The following CAMSAP1 variants were observed in gnomAD, a reference collection of about 807,000 sequenced individuals.
The protein encoded by CAMSAP1 is calmodulin-regulated spectrin-associated protein 1.
In CAMSAP1, 58 loss-of-function variants were observed where a neutral mutation model predicts 143.5. That is an observed-to-expected ratio of 0.40 (90% CI 0.33 to 0.50). The LOEUF (loss-of-function observed/expected upper bound fraction) is 0.50. Ranked by LOEUF, CAMSAP1 falls within the 20% of genes least tolerant of loss-of-function variation. The pLI is 0.45. For synonymous variants in CAMSAP1, 945 were observed against 859.3 expected, an observed-to-expected ratio of 1.10 and a Z score of -1.74; for missense variants, 1,969 against 2,115.7, an observed-to-expected ratio of 0.93 and a Z score of 1.36.
intron 1 of CAMSAP1, among the ~76,000 whole-genome samples, chr9:135,885,354 C>T (rs1256585037): frequency 6.6e-6 from 1 of 152,212 alleles, no homozygotes; most frequent in Non-Finnish European, 1.5e-5. Flanking sequence ...GCCTAACCGG[C>T]CTGGTCCAAG....
rs1005248337 is a variant in CAMSAP1, at chr9:135,811,779, G to A, written c.4507-168C>T. Among the ~76,000 whole-genome samples the A allele has an allele frequency of 1.3e-4, 20 of 152,234 alleles. No homozygotes were observed. The highest frequency in any genetic ancestry group is 2.8e-4 in the Non-Finnish European group (19 of 68,040). On this transcript the variant is annotated intron_variant, in intron 16 of 16. Transcript: ENST00000389532. The surrounding 1 kb of genome is among the most constrained non-coding windows in gnomAD (Gnocchi z 4.9). Reference sequence around the variant, plus strand: ...AATTACAGCAGACCCCTGTACGGGAGCATTATATGCCATTGAGACTTTACT... The same window carrying A: ...AATTACAGCAGACCCCTGTACGGGAACATTATATGCCATTGAGACTTTACT...
chr9:135,833,843 C>T (rs138539725), intron 7 of CAMSAP1, among the ~76,000 whole-genome samples: 98 of 152,248 alleles, frequency 6.4e-4, no homozygotes, highest in African/African-American at 2.3e-3. Flanking sequence ...AAAGGTTCTG[C>T]AAAGCAAAGG....
At chr9:135,812,520 G>A (rs1235975439) in intron 16 of CAMSAP1, among the ~76,000 whole-genome samples, 2 of 152,062 alleles carry the variant, frequency 1.3e-5, no homozygotes, top group African/African-American at 4.8e-5. Context: ...ACTTAGGGGG[G>A]TGACTGTTCA....
intron 7 of CAMSAP1, among the ~76,000 whole-genome samples, chr9:135,841,988 G>A (rs113901416): frequency 2.0e-5 from 3 of 152,190 alleles, no homozygotes; most frequent in South Asian, 2.1e-4. Flanking sequence ...AAAGCTGGAC[G>A]AAGAATGTGT....
rs371181674 is a variant in CAMSAP1 at position 135,812,814 on chromosome 9, C to T, written c.4507-1203G>A. 2.8e-4 allele frequency among the ~76,000 whole-genome samples: 43 copies of T among 152,156 alleles called. No individual in the cohort carries two copies. The East Asian group carries it at 3.3e-3, about 12-fold the overall frequency. On this transcript the variant is annotated intron_variant, in intron 16 of 16. Transcript: ENST00000389532. ...TGAAACCCCATCTCTACTAAGGATA[C>T]AAAAATTAGCCAGGCGTGGTGGCAC...
chr9:135,829,496 T>C (rs1835782810), intron 7 of CAMSAP1, among the ~76,000 whole-genome samples: 1 of 151,704 alleles, frequency 6.6e-6, no homozygotes, highest in Non-Finnish European at 1.5e-5. Context: ...CAGTCCAGCC[T>C]GGACAACAGA....
Position 135,838,818 on chromosome 9 carries a change from G to A in CAMSAP1, c.1046-11234C>T, listed in dbSNP as rs141376886. On this transcript the variant is annotated intron_variant, in intron 7 of 16. Coordinates refer to ENST00000389532, the MANE Select transcript of CAMSAP1 (RefSeq NM_015447.4). ...CATGTCATCACGCACTTTCTACCCC[G>A]TTCTACAGACACACGTCATCAAGCA... Among the ~76,000 whole-genome samples the A allele has an allele frequency of 7.7e-3, 1,134 of 146,548 alleles. 7 individuals carry two copies. The highest frequency in any genetic ancestry group is 0.012 in the Middle Eastern group (3 of 248).
chr9:135,880,838 T>A (rs2130981706), intron 3 of CAMSAP1, among the ~76,000 whole-genome samples: 1 of 152,346 alleles, frequency 6.6e-6, no homozygotes, highest in South Asian at 2.1e-4. Flanking sequence ...AAGGCTCCGG[T>A]AAGGTAACCT....
intron 1 of CAMSAP1, among the ~76,000 whole-genome samples, chr9:135,894,561 G>C (rs1242799611): frequency 6.6e-6 from 1 of 152,180 alleles, no homozygotes; most frequent in Admixed American, 6.5e-5. Flanking sequence ...AACATCAGTG[G>C]GGACCCATGG....
At chr9:135,830,922 G>A (rs933834025) in intron 7 of CAMSAP1, among the ~76,000 whole-genome samples, 1 of 152,184 alleles carries the variant, frequency 6.6e-6, no homozygotes, top group African/African-American at 2.4e-5. Flanking sequence ...TGTAATCCCA[G>A]CACTTTGGGA....
intron 1 of CAMSAP1, among the ~76,000 whole-genome samples, chr9:135,905,957 A>C (rs1413324037): frequency 2.6e-5 from 4 of 152,256 alleles, no homozygotes; most frequent in Non-Finnish European, 4.4e-5. Context: ...GGTTCCACTG[A>C]GCCAGTAAAC....
In CAMSAP1 at chr9:135,811,580, A is replaced by G; in HGVS notation, c.4538T>C (p.Ile1513Thr). 6.3e-7 allele frequency: 1 copy of G among 1,597,472 alleles called. No individual in the cohort carries two copies. The highest frequency in any genetic ancestry group is 8.5e-7 in the Non-Finnish European group (1 of 1,171,612). The change falls in exon 17 of 17, where the codon ATC becomes ACC. Residue 1513 changes from isoleucine to threonine, a missense_variant. By Grantham distance (89) the Ile-to-Thr change is moderately conservative (BLOSUM62 -1). This residue lies in a region of CAMSAP1 where 143 missense variants were observed against 200.6 expected (regional missense o/e 0.71). Coordinates refer to ENST00000389532, the MANE Select transcript of CAMSAP1 (RefSeq NM_015447.4). The surrounding 1 kb of genome is among the most constrained non-coding windows in gnomAD (Gnocchi z 4.9). ...GCAGCCAGCATCACGAAACAGTATG[A>G]TGTAGTGATTGGCATCACACTTCTC... The part of the protein sequence containing the change: ...ELEKCDANHY[I>T]ILFRDAGCQF...
At position 135,821,953 on chromosome 9, in the gene CAMSAP1, G is replaced by A. The variant is rs1241723401; in HGVS notation, c.2708C>T (p.Ser903Leu). The A allele has an allele frequency of 9.3e-6, 15 of 1,612,446 alleles. No homozygotes were observed. Among genetic ancestry groups the A allele is most frequent in the Admixed American group, 1.7e-5 (1 of 59,772 alleles). ...GCCGAGCTTCAGGCGCTGCCTTGCC[G>A]ACAGCGCCTCCATCTTCTTCTTCTG... Reference protein sequence around the residue: ...EAQKKKMEALSARQRLKLGKA... With the variant: ...EAQKKKMEALLARQRLKLGKA... The change falls in exon 11 of 17, where the codon TCG becomes TTG. Residue 903 changes from serine (S) to leucine (L), a missense_variant. Physicochemically the swap from Ser to Leu is moderately radical, Grantham distance 145. Transcript: ENST00000389532. This position sits in a 1 kb window ranked among gnomAD's most constrained non-coding sequence, Gnocchi z 4.6.
intron 7 of CAMSAP1, among the ~76,000 whole-genome samples, chr9:135,847,728 A>C (rs1351143990): frequency 6.9e-6 from 1 of 145,432 alleles, no homozygotes; most frequent in Non-Finnish European, 1.5e-5. Flanking sequence ...GAGGGAGAGC[A>C]TTAGGGAAAA....
In CAMSAP1 at chr9:135,821,302, C is replaced by T. The variant is rs1031611054; in HGVS notation, c.3359G>A (p.Ser1120Asn). The change falls in exon 11 of 17, where the codon AGT becomes AAT. Residue 1120 changes from serine (S) to asparagine (N), a missense_variant. Physicochemically the swap from Ser to Asn is conservative, Grantham distance 46. Transcript: ENST00000389532. The surrounding 1 kb of genome is among the most constrained non-coding windows in gnomAD (Gnocchi z 4.6). The part of the protein sequence containing the change: ...PKDRPQGSSR[S>N]KTPTPSVETL... ...CTCTACACTGGGCGTTGGGGTTTTA[C>T]TTCGGGAGGAGCCCTGTGGCCTGTC... The T allele has an allele frequency of 1.2e-6, 2 of 1,612,500 alleles. No homozygotes were observed. Among genetic ancestry groups the T allele is most frequent in the Non-Finnish European group, 1.7e-6 (2 of 1,179,854 alleles).
In CAMSAP1 at chr9:135,820,671, A is replaced by C. The variant is rs1416811827; in HGVS notation, c.3822+168T>G. On this transcript the variant is annotated intron_variant, in intron 11 of 16. Coordinates refer to ENST00000389532, the MANE Select transcript of CAMSAP1 (RefSeq NM_015447.4). This position sits in a 1 kb window ranked among gnomAD's most constrained non-coding sequence, Gnocchi z 4.4. ...CCCGGGACTGCTTCTGGCCAAGTGG[A>C]GTCCTCGGGACAGAGACTCTGTGGC... Among the ~76,000 whole-genome samples the C allele has an allele frequency of 6.6e-6, 1 of 152,198 alleles. No homozygotes were observed. Among genetic ancestry groups the C allele is most frequent in the Non-Finnish European group, 1.5e-5 (1 of 68,034 alleles).
chr9:135,859,240 ACTGT>A (rs1837085134), intron 5 of CAMSAP1, among the ~76,000 whole-genome samples: 1 of 152,178 alleles, frequency 6.6e-6, no homozygotes, highest in Admixed American at 6.5e-5. Flanking sequence ...GTTTGTCTTT[ACTGT>A]CTGTAAGTGA....
chr9:135,862,014 C>T (rs927799570), intron 5 of CAMSAP1, among the ~76,000 whole-genome samples: 5 of 152,350 alleles, frequency 3.3e-5, no homozygotes, highest in Admixed American at 2.0e-4. Context: ...TTAATTTTCC[C>T]ATCCTCAAAC....
chr9:135,907,079 C>A lies in CAMSAP1; in HGVS notation c.81G>T (p.Val27=). 1 of 1,166,566 alleles carries A rather than the reference C, an allele frequency of 8.6e-7. No homozygotes were observed. Among genetic ancestry groups the A allele is most frequent in the Non-Finnish European group, 1.1e-6 (1 of 940,604 alleles). 72.3% of individuals were successfully genotyped at this position (1,166,566 alleles called of 1,614,324 possible). ...GCGCCGCGTCGTAGCGGTCCAGGGG[C>A]ACGAGGTCGGCGGCGCCGTCCGGCG... ...EAPPDGAADL[V]PLDRYDAARA... Residue 27 remains valine, a synonymous_variant, in exon 1 of 17, where the codon GTG becomes GTT. Coordinates refer to ENST00000389532, the MANE Select transcript of CAMSAP1 (RefSeq NM_015447.4).
Sources: gnomAD v4.1 joint callset for allele counts (sites outside exome capture counted in the v4.1 genomes callset) on GRCh38, gnomAD v4.1.1 for gene constraint, gnomAD v4.1.1 regional missense constraint, Gnocchi (gnomAD v3.1) non-coding constraint, MANE v1.5 for transcripts, NCBI Gene and HGNC (gene_info 2026-07-23, HGNC 2026-07-21) for gene names.